The following POLE variants were observed in gnomAD, a reference collection of about 807,000 sequenced individuals.
POLE encodes the protein DNA polymerase epsilon catalytic subunit A.
POLE carries 188 observed loss-of-function variants against 279.2 expected under a neutral mutation model. The observed-to-expected ratio is 0.67, with a 90% CI of 0.60 to 0.76. The LOEUF (loss-of-function observed/expected upper bound fraction) is 0.76. Ranked by LOEUF, POLE falls within the 30% of genes least tolerant of loss-of-function variation. The probability of loss-of-function intolerance (pLI) is 0.00; values close to 1 mark genes in which losing one functional copy is unlikely to be tolerated. For missense variants in POLE, 2,703 were observed against 3,016.7 expected (o/e 0.90, Z 2.44); for synonymous variants, 1,214 against 1,172.5 (o/e 1.04, Z -0.72).
chr12:132,649,740 G>A lies in POLE; in HGVS notation c.3732C>T (p.Asp1244=). The A allele has an allele frequency of 1.2e-6, 2 of 1,614,224 alleles. No homozygotes were observed. The highest frequency in any genetic ancestry group is 1.7e-6 in the Non-Finnish European group (2 of 1,180,050). ...VLWESQEESQ[D]LTPTVPWQEI... The stretch of plus-strand genomic sequence containing the variant: ...CCTGCCAGGGCACAGTCGGCGTGAG[G>A]TCCTGGGACTCCTCCTGGCTCTCCC... The change falls in exon 30 of 49, where the codon GAC becomes GAT. Residue 1244 remains aspartate, a synonymous_variant. Transcript: ENST00000320574.
intron 16 of POLE, among the ~76,000 whole-genome samples, chr12:132,669,492 T>C (rs1473267400): frequency 6.6e-6 from 1 of 151,690 alleles, no homozygotes; most frequent in African/African-American, 2.4e-5. Context: ...AGAAAAATCC[T>C]TAAAACCCTC....
In POLE at chr12:132,658,211, C is replaced by T. The variant is rs146352673; in HGVS notation, c.3276-241G>A. Reference sequence around the variant, plus strand: ...AAACATGTCTACATGTTCCTCACAGCGTAACCATGGGCATGCATATACATA... The same window carrying T: ...AAACATGTCTACATGTTCCTCACAGTGTAACCATGGGCATGCATATACATA... On this transcript the variant is annotated intron_variant, in intron 26 of 48. Coordinates refer to ENST00000320574, the MANE Select transcript of POLE (RefSeq NM_006231.4). 185 of 450,726 alleles carry T rather than the reference C, an allele frequency of 4.1e-4. 1 individual carries two copies. The highest frequency in any genetic ancestry group is 3.1e-3 in the African/African-American group (157 of 50,270). 27.9% of individuals were successfully genotyped at this position (450,726 alleles called of 1,614,324 possible).
chr12:132,658,478 G>A lies in POLE; in HGVS notation c.3276-508C>T, dbSNP rs972262000. 9 of 155,968 alleles carry A rather than the reference G, an allele frequency of 5.8e-5. No individual in the cohort carries two copies. In the South Asian group the frequency reaches 9.7e-4, roughly 17 times the overall value. The allele number at this position is 155,968 out of a possible 1,614,324, so 9.7% of individuals were successfully genotyped here. On this transcript the variant is annotated intron_variant, in intron 26 of 48. Coordinates refer to ENST00000320574, the MANE Select transcript of POLE (RefSeq NM_006231.4). The stretch of plus-strand genomic sequence containing the variant: ...CATGTCTGCGTTTCTGAGTAACCAC[G>A]TGCATGCATACAGGCAAACGTGCAC...
In POLE at chr12:132,680,601, G is replaced by A; in HGVS notation, c.285+6C>T. 1 of 1,610,704 alleles carries A rather than the reference G, an allele frequency of 6.2e-7. No homozygotes were observed. Among genetic ancestry groups the A allele is most frequent in the South Asian group, 1.1e-5 (1 of 90,986 alleles). ...GGGTTTTAGCTTGTCGCAGTCAGGG[G>A]CTTACCTTAAATCTGCTTCCGTCAT... On this transcript the variant is annotated splice_donor_region_variant and intron_variant, in intron 3 of 48. Transcript: ENST00000320574.
Position 132,675,885 on chromosome 12 carries a change from C to T in POLE, c.1021-65G>A. On this transcript the variant is annotated intron_variant, in intron 10 of 48. Coordinates refer to ENST00000320574, the MANE Select transcript of POLE (RefSeq NM_006231.4). This position sits in a 1 kb window ranked among gnomAD's most constrained non-coding sequence, Gnocchi z 4.3. ...CTTCTTCAAGCTATTCCAAATTCCT[C>T]TCCCAAAGTTCAGAAGCAGCAGCCT... The T allele has an allele frequency of 7.3e-7, 1 of 1,365,024 alleles. No homozygotes were observed. Among genetic ancestry groups the T allele is most frequent in the Non-Finnish European group, 1.0e-6 (1 of 954,770 alleles). 84.6% of individuals were successfully genotyped at this position (1,365,024 alleles called of 1,614,324 possible). A position where few individuals can be genotyped will look rare whatever the true frequency, so the allele number is the denominator to read the frequency against.
In POLE at chr12:132,673,236, G is replaced by T; in HGVS notation, c.1401C>A (p.Tyr467Ter). 6.2e-7 allele frequency: 1 copy of T among 1,613,670 alleles called. No homozygotes were observed. Among genetic ancestry groups the T allele is most frequent in the Non-Finnish European group, 8.5e-7 (1 of 1,179,496 alleles). The change falls in exon 14 of 49, where the codon TAC (tyrosine) becomes TAA (stop). Residue 467 changes from tyrosine (Y) to a stop codon, truncating the protein, a stop_gained. Transcript: ENST00000320574. LOFTEE classifies it high-confidence loss of function. ...GGTGGACGTACTTCATGTACAGGTAGTAAGTGGCGACAGCATCTGACACAG... is the reference window on the plus strand; with the variant it reads ...GGTGGACGTACTTCATGTACAGGTATTAAGTGGCGACAGCATCTGACACAG... The part of the protein sequence containing the change: ...TYSVSDAVAT[Y>*]YLYMKYVHPF...
At chr12:132,635,806 G>A (rs2042019792) in intron 42 of POLE, 86 bp downstream of exon 42, 5 of 1,445,602 alleles carry the variant, frequency 3.5e-6, no homozygotes, top group Non-Finnish European at 4.7e-6. Flanking sequence ...GGCCAGGCCC[G>A]CCGGGGCCCT....
Position 132,675,530 on chromosome 12 carries a change from G to A in POLE, c.1107-13C>T. ...CTCCACAAATGGCCTGGGTTGGAAAGAGGACAGACAAGCAAGTGGGCAGGT... is the reference window on the plus strand; with the variant it reads ...CTCCACAAATGGCCTGGGTTGGAAAAAGGACAGACAAGCAAGTGGGCAGGT... On this transcript the variant is annotated splice_polypyrimidine_tract_variant and intron_variant, in intron 11 of 48. Transcript: ENST00000320574. The surrounding 1 kb of genome is among the most constrained non-coding windows in gnomAD (Gnocchi z 4.3). 2 of 1,613,916 alleles carry A rather than the reference G, an allele frequency of 1.2e-6. No homozygotes were observed. Among genetic ancestry groups the A allele is most frequent in the Non-Finnish European group, 8.5e-7 (1 of 1,179,968 alleles).
At chr12:132,656,245 C>T (rs1052377247) in intron 29 of POLE, among the ~76,000 whole-genome samples, 38 of 152,192 alleles carry the variant, frequency 2.5e-4, no homozygotes, top group African/African-American at 9.2e-4. Flanking sequence ...TGTGCCACTG[C>T]ACTCCTGCCT....
rs1593730568 is a variant in POLE at position 132,642,509 on chromosome 12, C to T, written c.4949G>A (p.Ser1650Asn). 1 of 1,613,652 alleles carries T rather than the reference C, an allele frequency of 6.2e-7. No individual in the cohort carries two copies. The highest frequency in any genetic ancestry group is 8.5e-7 in the Non-Finnish European group (1 of 1,179,984). The change falls in exon 37 of 49, where the codon AGC becomes AAC. Residue 1650 changes from serine (S) to asparagine (N), a missense_variant. Physicochemically the swap from Ser to Asn is conservative, Grantham distance 46. Around this residue, in one of 5 missense-constraint regions of POLE, gnomAD observed 1,551 missense variants for 1,686.1 expected, o/e 0.92. Transcript: ENST00000320574. ...ACAACGACAGTACTGTGCTCACCTG[C>T]TCATCTCGAAGGCCTGCGACAGGCA... ...DTCLSQAFEM[S>N]RYFHIPIGNL...
In POLE at chr12:132,642,526, C is replaced by T. The variant is rs1057522607; in HGVS notation, c.4932G>A (p.Ser1644=). The T allele has an allele frequency of 1.1e-5, 17 of 1,613,552 alleles. No homozygotes were observed. Among genetic ancestry groups the T allele is most frequent in the Non-Finnish European group, 1.4e-5 (16 of 1,180,006 alleles). Residue 1644 remains serine (S), a synonymous_variant, in exon 37 of 49, where the codon TCG becomes TCA. Coordinates refer to ENST00000320574, the MANE Select transcript of POLE (RefSeq NM_006231.4). ...RHYLNLDTCL[S]QAFEMSRYFH... ...CTCACCTGCTCATCTCGAAGGCCTG[C>T]GACAGGCAGGTGTCCAGGTTGAGGT...
At chr12:132,658,022 A>C in intron 26 of POLE, 52 bp from the exon 27 acceptor site, 1 of 1,099,702 alleles carries the variant, frequency 9.1e-7, no homozygotes, top group Non-Finnish European at 1.4e-6. Context: ...ATCACCCAAA[A>C]TCTGATCCTA....
chr12:132,660,739 G>C (rs1037482855), intron 25 of POLE: 10 of 369,776 alleles, frequency 2.7e-5, no homozygotes, highest in Non-Finnish European at 4.4e-5. Flanking sequence ...ACCATGCCAG[G>C]CTTATCACGC....
intron 29 of POLE, among the ~76,000 whole-genome samples, chr12:132,654,194 A>G (rs1382584988): frequency 2.0e-5 from 3 of 150,398 alleles, no homozygotes; most frequent in Non-Finnish European, 4.4e-5. Flanking sequence ...CTTAAAAATC[A>G]TTTGGGTTTG....
intron 9 of POLE, 67 bp from the exon 10 acceptor site, chr12:132,676,271 C>A: frequency 1.9e-6 from 2 of 1,029,062 alleles, no homozygotes; most frequent in South Asian, 1.3e-5. Context: ...CGTTCCCACC[C>A]TGCCCACACA....
At position 132,642,868 on chromosome 12, in the gene POLE, G is replaced by A. The variant is rs774425403; in HGVS notation, c.4680C>T (p.Asp1560=). ...KHTFEVRAET[D]LKTICRAIQR... is the part of the protein sequence containing the mutation. ...GGATGGCTCTGCAGATGGTCTTCAG[G>A]TCAGTTTCTGCCCGAACTTCGAAGG... is the stretch of plus-strand genomic sequence containing the variant. The change falls in exon 36 of 49, where the codon GAC becomes GAT. Residue 1560 remains aspartate, a synonymous_variant. Transcript: ENST00000320574. 38 of 1,613,892 alleles carry A rather than the reference G, an allele frequency of 2.4e-5. No homozygotes were observed. The highest frequency in any genetic ancestry group is 2.8e-5 in the Non-Finnish European group (33 of 1,179,992).
At chr12:132,682,814 G>A (rs943773792) in intron 1 of POLE, among the ~76,000 whole-genome samples, 2 of 151,802 alleles carry the variant, frequency 1.3e-5, no homozygotes, top group Admixed American at 6.6e-5. Flanking sequence ...TTAGCCGGGC[G>A]TGGTGGCGGG....
In POLE at chr12:132,661,606, T is replaced by C. The variant is rs765066823; in HGVS notation, c.2785A>G (p.Ile929Val). Residue 929 changes from isoleucine to valine, a missense_variant, in exon 24 of 49, where the codon ATC becomes GTC. Coordinates refer to ENST00000320574, the MANE Select transcript of POLE (RefSeq NM_006231.4). This position sits in a 1 kb window ranked among gnomAD's most constrained non-coding sequence, Gnocchi z 4.1. ...LTYVTRSENS[I>V]FFEVDGPYLA... is the part of the protein sequence containing the mutation. The stretch of plus-strand genomic sequence containing the variant: ...TAGGGCCCATCAACCTCAAAAAAGA[T>C]GCTGTTCTCTGAGCGGGTGACGTAG... 2.2e-5 allele frequency: 36 copies of C among 1,614,206 alleles called. No homozygotes were observed. Among genetic ancestry groups the C allele is most frequent in the Non-Finnish European group, 2.9e-5 (34 of 1,180,040 alleles).
At chr12:132,640,591 T>G (rs933328908) in intron 39 of POLE, among the ~76,000 whole-genome samples, 1 of 152,252 alleles carries the variant, frequency 6.6e-6, no homozygotes, top group East Asian at 1.9e-4. Flanking sequence ...AGATGCCAGC[T>G]GCTCTGGTAC....
Sources: gnomAD v4.1 joint callset for allele counts (sites outside exome capture counted in the v4.1 genomes callset) on GRCh38, gnomAD v4.1.1 for gene constraint, gnomAD v4.1.1 regional missense constraint, Gnocchi (gnomAD v3.1) non-coding constraint, MANE v1.5 for transcripts, NCBI Gene and HGNC (gene_info 2026-07-23, HGNC 2026-07-21) for gene names.